Variants in STK32B observed in about 807,000 individuals in gnomAD.
STK32B encodes serine/threonine-protein kinase 32B.
A neutral mutation model predicts 52.6 loss-of-function variants in STK32B; 43 were observed. The ratio of observed to expected loss-of-function variants is 0.82; its 90% CI spans 0.64 to 1.05. The LOEUF (loss-of-function observed/expected upper bound fraction) is 1.05, where lower values mean the gene tolerates loss of function less well. STK32B is among the 50% of genes least tolerant of loss of function. STK32B has a pLI of 0.00. For synonymous variants in STK32B, 238 were observed against 204.3 expected (o/e 1.17, Z -1.41); for missense variants, 621 against 534.6 (o/e 1.16, Z -1.59).
intron 3 of STK32B, among the ~76,000 whole-genome samples, chr4:5,246,086 AT>A (rs1387914128): frequency 3.3e-5 from 5 of 152,124 alleles, no homozygotes; most frequent in Admixed American, 1.3e-4. Flanking sequence ...TCTTTGTGGC[AT>A]TCTCTGTATT....
chr4:5,400,939 C>CAG lies in STK32B; in HGVS notation c.472+2695_472+2696insAG, dbSNP rs34672411. On this transcript the variant is annotated intron_variant, in intron 5 of 11. Transcript: ENST00000282908. This position sits in a 1 kb window ranked among gnomAD's most constrained non-coding sequence, Gnocchi z 6.1. ...GAGTGTGGGGAAGCTCAGGAGAGGT[C>CAG]GGGCAGAGGGGAGAGGGAAAGGTGT... 0.088 allele frequency among the ~76,000 whole-genome samples: 13,389 copies of CAG among 151,890 alleles called. 763 individuals carry two copies. The highest frequency in any genetic ancestry group is 0.16 in the African/African-American group (6,619 of 41,410).
At chr4:5,354,360 G>A (rs1734039304) in intron 4 of STK32B, among the ~76,000 whole-genome samples, 1 of 152,048 alleles carries the variant, frequency 6.6e-6, no homozygotes, top group African/African-American at 2.4e-5. Flanking sequence ...CCACCTCCTG[G>A]GTTCAAGGGA....
chr4:5,204,706 G>C (rs1722434245), intron 3 of STK32B, among the ~76,000 whole-genome samples: 1 of 152,010 alleles, frequency 6.6e-6, no homozygotes, highest in South Asian at 2.1e-4. Flanking sequence ...CTGACCTTGT[G>C]ATCTGCCCGC....
At chr4:5,348,538 G>C (rs564019756) in intron 4 of STK32B, among the ~76,000 whole-genome samples, 1 of 152,274 alleles carries the variant, frequency 6.6e-6, no homozygotes, top group East Asian at 1.9e-4. Flanking sequence ...ACATTTTTAT[G>C]TGCTGTGAGG....
At chr4:5,327,437 G>A (rs28826432) in intron 3 of STK32B, among the ~76,000 whole-genome samples, 1,707 of 151,616 alleles carry the variant, frequency 0.011, 20 homozygotes, top group South Asian at 0.057. Context: ...AGTGTCAAAG[G>A]TCAAAATTAC....
chr4:5,310,063 G>A (rs1011765922), intron 3 of STK32B, among the ~76,000 whole-genome samples: 1 of 152,126 alleles, frequency 6.6e-6, no homozygotes, highest in African/African-American at 2.4e-5. Context: ...CTACTCAGGA[G>A]GCTGAGGCAG....
At chr4:5,231,979 C>T (rs1214954849) in intron 3 of STK32B, among the ~76,000 whole-genome samples, 2 of 152,166 alleles carry the variant, frequency 1.3e-5, no homozygotes, top group African/African-American at 2.4e-5. Flanking sequence ...AAAATTCCTT[C>T]CTTCATTGAG....
intron 7 of STK32B, among the ~76,000 whole-genome samples, chr4:5,449,648 G>A (rs1024728630): frequency 1.3e-5 from 2 of 152,160 alleles, no homozygotes; most frequent in African/African-American, 4.8e-5. Context: ...TGAATGGCAA[G>A]TGAGCCAGGG....
At chr4:5,126,368 C>A (rs1715364498) in intron 1 of STK32B, among the ~76,000 whole-genome samples, 1 of 152,188 alleles carries the variant, frequency 6.6e-6, no homozygotes, top group Non-Finnish European at 1.5e-5. Context: ...CTCCGGCAAG[C>A]CTTCAGGCCC....
At chr4:5,258,397 C>G (rs1203479090) in intron 3 of STK32B, among the ~76,000 whole-genome samples, 7 of 152,090 alleles carry the variant, frequency 4.6e-5, no homozygotes, top group Non-Finnish European at 1.0e-4. Context: ...CTAACATACC[C>G]CCAGTTCTCA....
intron 7 of STK32B, among the ~76,000 whole-genome samples, chr4:5,447,491 C>G (rs879699197): frequency 6.6e-6 from 1 of 152,024 alleles, no homozygotes; most frequent in Non-Finnish European, 1.5e-5. Context: ...AAAAAAATAG[C>G]TGAGCGTGGT....
intron 11 of STK32B, among the ~76,000 whole-genome samples, chr4:5,485,109 G>A (rs781165044): frequency 2.0e-5 from 3 of 151,614 alleles, no homozygotes; most frequent in African/African-American, 7.3e-5. Flanking sequence ...GGCGTTCTCT[G>A]TATTTCCTGA....
At chr4:5,497,103 T>A (rs1191382508) in intron 11 of STK32B, among the ~76,000 whole-genome samples, 1 of 152,198 alleles carries the variant, frequency 6.6e-6, no homozygotes, top group Non-Finnish European at 1.5e-5. Flanking sequence ...TTATTTGAAA[T>A]CCACGATTTT....
chr4:5,046,453 T>A, the STK32B span, among the ~76,000 whole-genome samples: 1 of 152,160 alleles, frequency 6.6e-6, no homozygotes, highest in Non-Finnish European at 1.5e-5. Context: ...GACATAAGCA[T>A]GGGCAAAGAT....
intron 4 of STK32B, among the ~76,000 whole-genome samples, chr4:5,354,853 AAACT>A (rs1300245481): frequency 2.0e-5 from 3 of 152,316 alleles, no homozygotes; most frequent in African/African-American, 7.2e-5. Flanking sequence ...ATTAATATAA[AAACT>A]AAAAAATAAA....
In STK32B at chr4:5,205,703, C is replaced by CGCGT. The variant is rs1553850518; in HGVS notation, c.260+37254_260+37255insCGTG. Among the ~76,000 whole-genome samples, 17 of 141,030 alleles carry CGCGT rather than the reference C, an allele frequency of 1.2e-4. No individual in the cohort carries two copies. The East Asian group carries it at 2.4e-3, about 20-fold the overall frequency. The allele number at this position is 141,030 out of a possible 152,430, so 92.5% of individuals were successfully genotyped here. ...GACAGTTCTAGACCAGGCGCGCGCG[C>CGCGT]GTGTGTGTGTGTGTGTGTGTGTGTG... On this transcript the variant is annotated intron_variant, in intron 3 of 11. Coordinates refer to ENST00000282908, the MANE Select transcript of STK32B (RefSeq NM_018401.3).
At chr4:5,466,553 C>G in intron 9 of STK32B, 150 bp from the exon 10 acceptor site, 1 of 1,097,512 alleles carries the variant, frequency 9.1e-7, no homozygotes, top group Non-Finnish European at 1.2e-6. Context: ...TTTTTATCAT[C>G]AGAAAACAGA....
chr4:5,317,053 TATATATG>T (rs2061584505), intron 3 of STK32B, among the ~76,000 whole-genome samples: 2 of 38,700 alleles, frequency 5.2e-5, no homozygotes, highest in African/African-American at 1.6e-4. Context: ...ATATATATAA[TATATATG>T]ATATAATATA....
chr4:5,137,394 A>G (rs569064888), intron 1 of STK32B, among the ~76,000 whole-genome samples: 2 of 152,274 alleles, frequency 1.3e-5, no homozygotes, highest in African/African-American at 4.8e-5. Context: ...TGCTGGTGCC[A>G]TTCCTTTTCC....
Sources: gnomAD v4.1 joint callset for allele counts (sites outside exome capture counted in the v4.1 genomes callset) on GRCh38, gnomAD v4.1.1 for gene constraint, Gnocchi (gnomAD v3.1) non-coding constraint, MANE v1.5 for transcripts, NCBI Gene and HGNC (gene_info 2026-07-23, HGNC 2026-07-21) for gene names.